SRBD1: variants seen among roughly 807,000 people sequenced by gnomAD.
SRBD1 encodes the protein S1 RNA-binding domain-containing protein 1.
In SRBD1, 88 loss-of-function variants were observed where a neutral mutation model predicts 115.3. The observed-to-expected ratio is 0.76, with a 90% CI of 0.64 to 0.91. The LOEUF is 0.91. SRBD1 is among the 40% of genes least tolerant of loss of function. The pLI, the probability that SRBD1 is intolerant of heterozygous loss-of-function variation, is 0.00. For synonymous variants in SRBD1, 509 were observed against 407.7 expected (o/e 1.25, Z -2.99); for missense variants, 1,385 against 1,177.4 (o/e 1.18, Z -2.58).
chr2:45,597,371 G>A (rs945589188), intron 4 of SRBD1, among the ~76,000 whole-genome samples: 3 of 150,744 alleles, frequency 2.0e-5, no homozygotes, highest in Admixed American at 2.0e-4. Context: ...AGTGAGCCAA[G>A]ATCGCGCCAC....
chr2:45,461,642 C>T lies in SRBD1; in HGVS notation c.2049+15351G>A, dbSNP rs536952787. Among the ~76,000 whole-genome samples, 62 of 152,246 alleles carry T rather than the reference C, an allele frequency of 4.1e-4. 2 individuals carry two copies. In the South Asian group the frequency reaches 0.012, roughly 31 times the overall value. On this transcript the variant is annotated intron_variant, in intron 16 of 20. Transcript: ENST00000263736. ...AACTGACGCCGCCCCTACTTTTAAA[C>T]CTCAGAGATTCAACTGCCCCCCCCA...
rs1674018111 is a variant in SRBD1, at chr2:45,599,473, C to T, written c.624G>A (p.Val208=). 2.5e-6 allele frequency: 4 copies of T among 1,613,670 alleles called. No homozygotes were observed. The highest frequency in any genetic ancestry group is 3.4e-6 in the Non-Finnish European group (4 of 1,179,854). The change falls in exon 4 of 21, where the codon GTG becomes GTA. Residue 208 remains valine (V), a synonymous_variant. Coordinates refer to ENST00000263736, the MANE Select transcript of SRBD1 (RefSeq NM_018079.5). ...CCTGTACCATGTCCCAATTCATTTCCACCTCCTCTTTAGTACTATTGGCAT... is the reference window on the plus strand; with the variant it reads ...CCTGTACCATGTCCCAATTCATTTCTACCTCCTCTTTAGTACTATTGGCAT... ...PANANSTKEE[V]EMNWDMVQVL...
chr2:45,531,891 T>C (rs1273087856), intron 14 of SRBD1, among the ~76,000 whole-genome samples: 1 of 151,852 alleles, frequency 6.6e-6, no homozygotes, highest in Non-Finnish European at 1.5e-5. Flanking sequence ...GAAGTTAAAC[T>C]GGTTGAACAA....
At chr2:45,427,696 A>C (rs1046531650) in intron 16 of SRBD1, among the ~76,000 whole-genome samples, 1 of 152,202 alleles carries the variant, frequency 6.6e-6, no homozygotes, top group Non-Finnish European at 1.5e-5. Context: ...CCTGATGAAC[A>C]TCAATGCGAA....
intron 20 of SRBD1, 147 bp from the exon 21 acceptor site, chr2:45,389,746 C>CTT (rs1666946582): frequency 1.3e-6 from 1 of 783,302 alleles, no homozygotes; most frequent in Admixed American, 2.9e-5. Context: ...CAGACCAACG[C>CTT]TTGCCTTCAG....
At chr2:45,597,376 C>T (rs1191282906) in intron 4 of SRBD1, among the ~76,000 whole-genome samples, 1 of 150,696 alleles carries the variant, frequency 6.6e-6, no homozygotes, top group Non-Finnish European at 1.5e-5. Flanking sequence ...GCCAAGATCG[C>T]GCCACTGTAC....
At chr2:45,423,204 T>G (rs1398221259) in intron 16 of SRBD1, among the ~76,000 whole-genome samples, 1 of 152,132 alleles carries the variant, frequency 6.6e-6, no homozygotes, top group East Asian at 1.9e-4. Flanking sequence ...ACAAAATCAC[T>G]TGGAACACCC....
chr2:45,481,668 A>C (rs1311802491), intron 15 of SRBD1, among the ~76,000 whole-genome samples: 1 of 150,714 alleles, frequency 6.6e-6, no homozygotes, highest in Non-Finnish European at 1.5e-5. Flanking sequence ...TTATTCATGA[A>C]TTTTCATAGC....
chr2:45,420,233 G>T (rs999630131), intron 16 of SRBD1, among the ~76,000 whole-genome samples: 12 of 152,130 alleles, frequency 7.9e-5, no homozygotes, highest in African/African-American at 2.4e-4. Flanking sequence ...GATTCAGTAG[G>T]TCTAGGGTGG....
intron 9 of SRBD1, among the ~76,000 whole-genome samples, chr2:45,566,003 T>C (rs1419296404): frequency 6.6e-6 from 1 of 152,176 alleles, no homozygotes; most frequent in African/African-American, 2.4e-5. Context: ...GATAAGTACA[T>C]GAATAGATGC....
chr2:45,424,709 G>A (rs532207517), intron 16 of SRBD1, among the ~76,000 whole-genome samples: 1 of 152,126 alleles, frequency 6.6e-6, no homozygotes, highest in East Asian at 2.0e-4. Context: ...AAGTGCCCTC[G>A]TCATGACGAA....
rs746696062 is a variant in SRBD1, at chr2:45,562,648, C to A, written c.1409+5G>T. The A allele has an allele frequency of 3.1e-6, 5 of 1,591,618 alleles. No individual in the cohort carries two copies. The highest frequency in any genetic ancestry group is 3.4e-6 in the Non-Finnish European group (4 of 1,171,416). ...AGAAAATTCTGTAAATATCTGTAAA[C>A]AGACCTGTTTTGGATGCACCACCTA... On this transcript the variant is annotated splice_donor_5th_base_variant and intron_variant, in intron 10 of 20. Transcript: ENST00000263736.
chr2:45,463,472 C>T (rs1669387341), intron 16 of SRBD1, among the ~76,000 whole-genome samples: 1 of 152,146 alleles, frequency 6.6e-6, no homozygotes, highest in African/African-American at 2.4e-5. Flanking sequence ...TGAAAAATAG[C>T]AAGTATCAGA....
At chr2:45,447,285 A>G (rs1032204144) in intron 16 of SRBD1, 1 of 152,254 alleles carries the variant, frequency 6.6e-6, no homozygotes, top group Non-Finnish European at 1.5e-5. Context: ...CCCGACTCTA[A>G]TAAGAATACA....
intron 19 of SRBD1, among the ~76,000 whole-genome samples, chr2:45,406,436 G>T (rs1011079825): frequency 6.6e-6 from 1 of 152,176 alleles, no homozygotes; most frequent in Non-Finnish European, 1.5e-5. Context: ...TGTGGCAACA[G>T]TGTAGAGCAA....
At chr2:45,404,000 G>A (rs1667359712) in intron 19 of SRBD1, among the ~76,000 whole-genome samples, 2 of 152,030 alleles carry the variant, frequency 1.3e-5, no homozygotes, top group South Asian at 2.1e-4. Flanking sequence ...GGTGATTTAC[G>A]CCCTCCAGGA....
chr2:45,403,691 T>C (rs1213280042), intron 19 of SRBD1, among the ~76,000 whole-genome samples: 1 of 152,160 alleles, frequency 6.6e-6, no homozygotes, highest in Non-Finnish European at 1.5e-5. Flanking sequence ...TACTATGATA[T>C]TCTACTATGT....
rs1435540904 is a variant in SRBD1, at chr2:45,423,768, T to A, written c.2050-3874A>T. ...GAAACCTACATTTGAACTGATTTCC[T>A]ATGAATACCAGTTCAAAAATCCTCA... On this transcript the variant is annotated intron_variant, in intron 16 of 20. Transcript: ENST00000263736. Among the ~76,000 whole-genome samples, 4 of 152,108 alleles carry A rather than the reference T, an allele frequency of 2.6e-5. No individual in the cohort carries two copies. In the East Asian group the frequency reaches 7.7e-4, roughly 29 times the overall value.
chr2:45,445,854 G>A (rs899780469), intron 16 of SRBD1, among the ~76,000 whole-genome samples: 1 of 152,138 alleles, frequency 6.6e-6, no homozygotes, highest in Non-Finnish European at 1.5e-5. Context: ...ATGGAAACAT[G>A]GTTTAAAAAG....
Sources: allele counts gnomAD v4.1 joint callset (sites outside exome capture counted in the v4.1 genomes callset), GRCh38; gene constraint gnomAD v4.1.1; transcripts MANE v1.5; gene names NCBI Gene and HGNC (gene_info 2026-07-23, HGNC 2026-07-21).